The following ASB4 variants were observed in gnomAD, a reference collection of about 807,000 sequenced individuals.
The protein encoded by ASB4 is ankyrin repeat and SOCS box containing 4.
A neutral mutation model predicts 38.6 loss-of-function variants in ASB4; 35 were observed. The ratio of observed to expected loss-of-function variants is 0.91; its 90% CI spans 0.69 to 1.20. The LOEUF is 1.20. Among genes scored for constraint, ASB4 ranks in the 50% most tolerant of loss-of-function variants. ASB4 has a pLI of 0.00. For synonymous variants in ASB4, 195 were observed against 201.3 expected (o/e 0.97, Z 0.26); for missense variants, 557 against 527.2 (o/e 1.06, Z -0.55).
chr7:95,506,690 T>C (rs1790413646), intron 2 of ASB4, among the ~76,000 whole-genome samples: 1 of 150,460 alleles, frequency 6.6e-6, no homozygotes, highest in South Asian at 2.1e-4. Flanking sequence ...TAGATTCTTT[T>C]TTTTTTTTTT....
chr7:95,485,976 A>G lies in ASB4; in HGVS notation c.5A>G (p.Asp2Gly), dbSNP rs1390480347. The G allele has an allele frequency of 1.2e-6, 2 of 1,613,418 alleles. No homozygotes were observed. M[D>G]GTTAPVTKSG... Reference sequence around the variant, plus strand: ...GCTTCCAGAGGGAGAGGAAGGATGGACGGCACCACTGCCCCTGTCACTAAA... The same window carrying G: ...GCTTCCAGAGGGAGAGGAAGGATGGGCGGCACCACTGCCCCTGTCACTAAA... Residue 2 changes from aspartate (D) to glycine (G), a missense_variant, in exon 1 of 5, where the codon GAC becomes GGC. Asp to Gly is a moderately conservative substitution (Grantham distance 94). Transcript: ENST00000325885.
intron 1 of ASB4, among the ~76,000 whole-genome samples, chr7:95,479,180 T>G (rs1481250482): frequency 6.6e-6 from 1 of 152,200 alleles, no homozygotes; most frequent in Non-Finnish European, 1.5e-5. Flanking sequence ...TTTGAATTAT[T>G]TGAAACACAC....
chr7:95,523,202 G>C (rs1017398206), intron 2 of ASB4, among the ~76,000 whole-genome samples: 1 of 152,122 alleles, frequency 6.6e-6, no homozygotes, highest in Admixed American at 6.6e-5. Context: ...AGATTGTTAT[G>C]CAACTTCTGA....
chr7:95,513,956 A>G (rs1033567175), intron 2 of ASB4, among the ~76,000 whole-genome samples: 13 of 152,210 alleles, frequency 8.5e-5, no homozygotes, highest in Non-Finnish European at 1.5e-4. Context: ...GGCATAAATT[A>G]CCAGTCCAAA....
rs771454307 is a variant in ASB4, at chr7:95,538,855, T to C, written c.*1096T>C. On this transcript the variant is annotated 3_prime_UTR_variant, in exon 5 of 5. Coordinates refer to ENST00000325885, the MANE Select transcript of ASB4 (RefSeq NM_016116.3). ...GTCTTTTTATGTAGCAGACTGACAT[T>C]TCATAGCATTGTAGCTAAGAGATAA... The C allele has an allele frequency of 1.3e-5, 2 of 152,146 alleles. No homozygotes were observed. The highest frequency in any genetic ancestry group is 2.9e-5 in the Non-Finnish European group (2 of 68,026). 9.4% of individuals were successfully genotyped at this position (152,146 alleles called of 1,614,324 possible). A position where few individuals can be genotyped will look rare whatever the true frequency, so the allele number is the denominator to read the frequency against.
Position 95,486,028 on chromosome 7 carries a change from A to C in ASB4, c.57A>C (p.Arg19Ser). Residue 19 changes from arginine (R) to serine (S), a missense_variant, in exon 1 of 5, where the codon AGA (arginine) becomes AGC (serine). Coordinates refer to ENST00000325885, the MANE Select transcript of ASB4 (RefSeq NM_016116.3). ...CTGGAGCTGCCAAGTTAGTTAAGAGAAATTTCCTTGAGGCGCTAAAGTCCA... is the reference window on the plus strand; with the variant it reads ...CTGGAGCTGCCAAGTTAGTTAAGAGCAATTTCCTTGAGGCGCTAAAGTCCA... ...TKSGAAKLVK[R>S]NFLEALKSND... 1 of 1,614,170 alleles carries C rather than the reference A, an allele frequency of 6.2e-7. No individual in the cohort carries two copies. The highest frequency in any genetic ancestry group is 8.5e-7 in the Non-Finnish European group (1 of 1,180,016).
At chr7:95,519,068 A>T (rs1456583355) in intron 2 of ASB4, among the ~76,000 whole-genome samples, 2 of 152,228 alleles carry the variant, frequency 1.3e-5, no homozygotes, top group African/African-American at 4.8e-5. Context: ...TGTGAGTGTT[A>T]GATAAATGAG....
At chr7:95,473,125 G>C in the ASB4 span, among the ~76,000 whole-genome samples, 1 of 152,044 alleles carries the variant, frequency 6.6e-6, no homozygotes, top group African/African-American at 2.4e-5. Flanking sequence ...CAGAAACTAG[G>C]AGAGAAAAAA....
At chr7:95,536,288 A>G (rs1334937574) in intron 3 of ASB4, 149 bp from the exon 4 acceptor site, 1 of 539,902 alleles carries the variant, frequency 1.9e-6, no homozygotes, top group Non-Finnish European at 3.3e-6. Flanking sequence ...GGGCTCAAGC[A>G]ATCCTCCTGC....
intron 2 of ASB4, among the ~76,000 whole-genome samples, chr7:95,499,268 G>A (rs984833851): frequency 1.3e-5 from 2 of 152,110 alleles, no homozygotes; most frequent in African/African-American, 2.4e-5. Flanking sequence ...GGAATCGCCT[G>A]GATAAAGAGT....
intron 2 of ASB4, among the ~76,000 whole-genome samples, chr7:95,498,498 T>C (rs1790283725): frequency 6.6e-6 from 1 of 152,222 alleles, no homozygotes; most frequent in African/African-American, 2.4e-5. Context: ...ATTATTTACT[T>C]TGGTGAAATG....
intron 2 of ASB4, among the ~76,000 whole-genome samples, chr7:95,516,098 A>G (rs1327990630): frequency 6.6e-6 from 1 of 152,174 alleles, no homozygotes; most frequent in African/African-American, 2.4e-5. Context: ...AGAAGTCCTT[A>G]TCACTTTATC....
At chr7:95,547,838 A>AT in the ASB4 span, among the ~76,000 whole-genome samples, 2,929 of 152,358 alleles carry the variant, frequency 0.019, 44 homozygotes, top group Non-Finnish European at 0.032. Flanking sequence ...TTGTCTTCAG[A>AT]TTCATGACTG....
chr7:95,472,236 T>G, the ASB4 span, among the ~76,000 whole-genome samples: 1 of 108,542 alleles, frequency 9.2e-6, no homozygotes, highest in African/African-American at 3.7e-5. Context: ...CCCAAAAATG[T>G]GTCCAAAATT....
At chr7:95,472,695 A>G in the ASB4 span, among the ~76,000 whole-genome samples, 2 of 152,116 alleles carry the variant, frequency 1.3e-5, no homozygotes, top group African/African-American at 4.8e-5. Flanking sequence ...TCTGAATTCC[A>G]CAGCAGGGTT....
In ASB4 at chr7:95,540,089, C is replaced by G. The variant is rs562403859; in HGVS notation, c.*2330C>G. On this transcript the variant is annotated 3_prime_UTR_variant, in exon 5 of 5. Transcript: ENST00000325885. ...ATGAAAACTTTTCTTATTCACCTTGCTTGTGCTTAAACACTTATGTTCATC... is the reference window on the plus strand; with the variant it reads ...ATGAAAACTTTTCTTATTCACCTTGGTTGTGCTTAAACACTTATGTTCATC... The G allele has an allele frequency of 1.3e-5, 2 of 152,238 alleles. No homozygotes were observed. Among genetic ancestry groups the G allele is most frequent in the East Asian group, 3.9e-4 (2 of 5,174 alleles). The allele number at this position is 152,238 out of a possible 1,614,324, so 9.4% of individuals were successfully genotyped here.
chr7:95,482,410 T>C (rs754662025), upstream of ASB4, among the ~76,000 whole-genome samples: 1 of 152,240 alleles, frequency 6.6e-6, no homozygotes, highest in Non-Finnish European at 1.5e-5. Flanking sequence ...TCATGTTCCC[T>C]GTGGCCTTTG....
At chr7:95,515,209 CT>C (rs752476807) in intron 2 of ASB4, among the ~76,000 whole-genome samples, 4 of 129,516 alleles carry the variant, frequency 3.1e-5, no homozygotes, top group African/African-American at 1.4e-4. Context: ...TTCTTTCTTT[CT>C]TTCTTTCTTT....
At chr7:95,474,146 C>G (rs1789952648), upstream of ASB4, 1 of 152,180 alleles carries the variant, frequency 6.6e-6, no homozygotes, top group African/African-American at 2.4e-5. Context: ...TAAATCAGGT[C>G]GAAAGACTTT....
Sources: gnomAD v4.1 joint callset for allele counts (sites outside exome capture counted in the v4.1 genomes callset) on GRCh38, gnomAD v4.1.1 for gene constraint, MANE v1.5 for transcripts, NCBI Gene and HGNC (gene_info 2026-07-23, HGNC 2026-07-21) for gene names.